The following CADPS variants were observed in gnomAD, a reference collection of about 807,000 sequenced individuals.
CADPS encodes the protein calcium dependent secretion activator, also known as calcium-dependent secretion activator 1.
CADPS carries 57 observed loss-of-function variants against 167.3 expected under a neutral mutation model. The ratio of observed to expected loss-of-function variants is 0.34; its 90% CI spans 0.28 to 0.42. The LOEUF (loss-of-function observed/expected upper bound fraction) is 0.42. CADPS is among the 20% of genes least tolerant of loss of function. CADPS has a pLI of 1.00. For missense variants in CADPS, 1,414 were observed against 1,738.1 expected (o/e 0.81, Z 3.32); for synonymous variants, 676 against 635.3 (o/e 1.06, Z -0.96).
At chr3:62,600,654 A>G (rs998982949) in intron 6 of CADPS, among the ~76,000 whole-genome samples, 6 of 152,202 alleles carry the variant, frequency 3.9e-5, no homozygotes, top group Non-Finnish European at 5.9e-5. Context: ...TGTGCAAATC[A>G]CTATGATAGG....
chr3:62,687,653 T>C (rs2078301166), intron 3 of CADPS, among the ~76,000 whole-genome samples: 1 of 151,960 alleles, frequency 6.6e-6, no homozygotes, highest in Non-Finnish European at 1.5e-5. Flanking sequence ...TAATATTATC[T>C]ATTGTGTATA....
chr3:62,603,540 CACTA>C (rs1173267354), intron 6 of CADPS, among the ~76,000 whole-genome samples: 3 of 152,174 alleles, frequency 2.0e-5, no homozygotes, highest in Admixed American at 1.3e-4. Context: ...CTTATTTTCT[CACTA>C]ACTGTGTAAC....
chr3:62,745,179 C>T (rs763359867), intron 3 of CADPS, among the ~76,000 whole-genome samples: 4 of 152,066 alleles, frequency 2.6e-5, no homozygotes, highest in African/African-American at 9.7e-5. Flanking sequence ...GCTTCCCAGG[C>T]TCAAGTAATC....
At chr3:62,434,715 G>C (rs1485151942) in intron 28 of CADPS, among the ~76,000 whole-genome samples, 1 of 152,174 alleles carries the variant, frequency 6.6e-6, no homozygotes, top group Non-Finnish European at 1.5e-5. Context: ...CTAGCTCAGA[G>C]AGCACTGGGT....
chr3:62,659,074 A>C (rs998400762), intron 4 of CADPS, among the ~76,000 whole-genome samples: 1 of 152,116 alleles, frequency 6.6e-6, no homozygotes, highest in African/African-American at 2.4e-5. Flanking sequence ...ATTTGCAATC[A>C]AAAGTGCTCT....
intron 26 of CADPS, among the ~76,000 whole-genome samples, chr3:62,449,546 C>T (rs2057738896): frequency 6.6e-6 from 1 of 152,130 alleles, no homozygotes. Context: ...GCCAGCTATA[C>T]TCTAGGTAGA....
chr3:62,503,117 A>T (rs930233603), intron 17 of CADPS, among the ~76,000 whole-genome samples: 2 of 151,806 alleles, frequency 1.3e-5, no homozygotes, highest in African/African-American at 4.8e-5. Context: ...CTTTATCCAG[A>T]TGGATACACA....
At chr3:62,751,602 T>A (rs1442516187) in intron 3 of CADPS, among the ~76,000 whole-genome samples, 1 of 152,084 alleles carries the variant, frequency 6.6e-6, no homozygotes, top group Admixed American at 6.5e-5. Context: ...TTTGTATTTT[T>A]AGTAGAGACA....
intron 24 of CADPS, among the ~76,000 whole-genome samples, chr3:62,469,517 G>A (rs2060325409): frequency 6.6e-6 from 1 of 151,926 alleles, no homozygotes; most frequent in Admixed American, 6.6e-5. Context: ...CCTCTCTGCT[G>A]GCCTTTTTTT....
chr3:62,516,012 G>C (rs750463006), intron 16 of CADPS, 47 bp downstream of exon 16: 2 of 1,609,122 alleles, frequency 1.2e-6, no homozygotes, highest in Non-Finnish European at 1.7e-6. Flanking sequence ...CCCCAGGGAG[G>C]CATATCAAAA....
chr3:62,561,996 T>C (rs1010727693), intron 9 of CADPS, among the ~76,000 whole-genome samples: 3 of 152,218 alleles, frequency 2.0e-5, no homozygotes, highest in Admixed American at 6.5e-5. Context: ...AAAAACCAGA[T>C]GTGATTCCTG....
At chr3:62,625,130 T>A (rs2063817973) in intron 6 of CADPS, 1 of 150,300 alleles carries the variant, frequency 6.7e-6, no homozygotes, top group Non-Finnish European at 1.5e-5. Flanking sequence ...ATGACAAGTT[T>A]ACCTATGTAA....
At position 62,478,475 on chromosome 3, in the gene CADPS, C is replaced by T; in HGVS notation, c.3174-59G>A. 2.0e-6 allele frequency: 3 copies of T among 1,521,784 alleles called. No homozygotes were observed. Among genetic ancestry groups the T allele is most frequent in the Non-Finnish European group, 2.7e-6 (3 of 1,116,266 alleles). The allele number at this position is 1,521,784 out of a possible 1,614,324, so 94.3% of individuals were successfully genotyped here. A position where few individuals can be genotyped will look rare whatever the true frequency, so the allele number is the denominator to read the frequency against. On this transcript the variant is annotated intron_variant, in intron 22 of 29. Coordinates refer to ENST00000383710, the MANE Select transcript of CADPS (RefSeq NM_003716.4). This position sits in a 1 kb window ranked among gnomAD's most constrained non-coding sequence, Gnocchi z 5.7. ...CCACTGGCCTCAGGCTCTACAAAAACTAACACAGAGACAACTGGGGGCTAG... is the reference window on the plus strand; with the variant it reads ...CCACTGGCCTCAGGCTCTACAAAAATTAACACAGAGACAACTGGGGGCTAG...
chr3:62,833,965 C>A (rs900138072), intron 1 of CADPS, among the ~76,000 whole-genome samples: 1 of 152,102 alleles, frequency 6.6e-6, no homozygotes, highest in Non-Finnish European at 1.5e-5. Context: ...GAAAAAGGGG[C>A]ACTAGAAACA....
Position 62,438,793 on chromosome 3 carries a change from T to C in CADPS, c.3670-582A>G, listed in dbSNP as rs2055701560. 6.6e-6 allele frequency: 1 copy of C among 151,346 alleles called. No homozygotes were observed. Among genetic ancestry groups the C allele is most frequent in the Non-Finnish European group, 1.5e-5 (1 of 67,986 alleles). The allele number at this position is 151,346 out of a possible 1,614,324, so 9.4% of individuals were successfully genotyped here. On this transcript the variant is annotated intron_variant, in intron 27 of 29. Transcript: ENST00000383710. The surrounding 1 kb of genome is among the most constrained non-coding windows in gnomAD (Gnocchi z 4.7). ...CCTGAGTGGATATAGTATTTGCTAA[T>C]TAATTAGTTCACTCAGAGGAGACAC...
intron 1 of CADPS, among the ~76,000 whole-genome samples, chr3:62,867,114 A>C (rs931850007): frequency 6.6e-6 from 1 of 152,116 alleles, no homozygotes; most frequent in African/African-American, 2.4e-5. Flanking sequence ...TTTAATGGTA[A>C]CAATCAATAT....
intron 1 of CADPS, among the ~76,000 whole-genome samples, chr3:62,809,122 GC>G (rs2094267034): frequency 6.6e-6 from 1 of 152,080 alleles, no homozygotes; most frequent in East Asian, 1.9e-4. Flanking sequence ...TTGAATCCTT[GC>G]CACAGTCCTT....
intron 1 of CADPS, among the ~76,000 whole-genome samples, chr3:62,789,411 A>T (rs2092742351): frequency 6.6e-6 from 1 of 152,220 alleles, no homozygotes; most frequent in Non-Finnish European, 1.5e-5. Context: ...GGGGAGTAGG[A>T]GTATGTGAGT....
rs34771903 is a variant in CADPS, at chr3:62,438,715, TTGTGTGTGTG to T, written c.3670-514_3670-505del. The T allele has an allele frequency of 1.2e-3, 172 of 144,212 alleles. No homozygotes were observed. Among genetic ancestry groups the T allele is most frequent in the Middle Eastern group, 6.8e-3 (2 of 296 alleles). The allele number at this position is 144,212 out of a possible 1,614,324, so 8.9% of individuals were successfully genotyped here. On this transcript the variant is annotated intron_variant, in intron 27 of 29. Transcript: ENST00000383710. The surrounding 1 kb of genome is among the most constrained non-coding windows in gnomAD (Gnocchi z 4.7). ...TATACCTCTTCCTACCCAAGTCTCA[TTGTGTGTGTG>T]TGTGTGTGTGTGTGTGTGTGTGTGT... is the stretch of plus-strand genomic sequence containing the variant.
Sources: gnomAD v4.1 joint callset for allele counts (sites outside exome capture counted in the v4.1 genomes callset) on GRCh38, gnomAD v4.1.1 for gene constraint, Gnocchi (gnomAD v3.1) non-coding constraint, MANE v1.5 for transcripts, NCBI Gene and HGNC (gene_info 2026-07-23, HGNC 2026-07-21) for gene names.